PRELID2: variants seen among roughly 807,000 people sequenced by gnomAD.
PRELID2 encodes the protein PRELI domain containing 2.
PRELID2 carries 25 observed loss-of-function variants against 28.4 expected under a neutral mutation model. The ratio of observed to expected loss-of-function variants is 0.88; its 90% CI spans 0.64 to 1.23. The LOEUF (loss-of-function observed/expected upper bound fraction) is 1.23. PRELID2 is among the 50% of genes most tolerant of loss of function. The probability of loss-of-function intolerance (pLI) is 0.00; values close to 1 mark genes in which losing one functional copy is unlikely to be tolerated. For synonymous variants in PRELID2, 76 were observed against 71.6 expected, an observed-to-expected ratio of 1.06 and a Z score of -0.31; for missense variants, 201 against 214.4, an observed-to-expected ratio of 0.94 and a Z score of 0.39.
the PRELID2 span, among the ~76,000 whole-genome samples, chr5:145,439,384 G>T: frequency 6.6e-6 from 1 of 151,980 alleles, no homozygotes; most frequent in Non-Finnish European, 1.5e-5. Flanking sequence ...AAATCTAGTG[G>T]CCCTCAATTC....
chr5:145,369,903 G>A, the PRELID2 span, among the ~76,000 whole-genome samples: 20 of 150,934 alleles, frequency 1.3e-4, no homozygotes, highest in Admixed American at 2.6e-4. Context: ...ACGTTTGTTC[G>A]CTGCATGTCT....
chr5:145,433,302 G>A, the PRELID2 span, among the ~76,000 whole-genome samples: 6 of 152,088 alleles, frequency 3.9e-5, no homozygotes, highest in East Asian at 1.9e-4. Flanking sequence ...AGTATGTGAG[G>A]GTGAGGTGCG....
intron 1 of PRELID2, among the ~76,000 whole-genome samples, chr5:145,700,773 C>T (rs1269522486): frequency 2.0e-5 from 3 of 152,292 alleles, no homozygotes; most frequent in Admixed American, 2.0e-4. Flanking sequence ...CTGTAGCTCA[C>T]AAATACCAAT....
intron 1 of PRELID2, among the ~76,000 whole-genome samples, chr5:145,639,017 G>C (rs1302557477): frequency 1.3e-5 from 2 of 152,094 alleles, no homozygotes; most frequent in Admixed American, 6.5e-5. Flanking sequence ...TAGGTATTTT[G>C]GACCTAAGAG....
At chr5:145,386,308 G>C in the PRELID2 span, among the ~76,000 whole-genome samples, 45 of 151,962 alleles carry the variant, frequency 3.0e-4, no homozygotes, top group African/African-American at 1.0e-3. Flanking sequence ...CTTCCACCAG[G>C]TCCCTCCCAT....
chr5:145,636,759 T>C (rs1248444035), intron 1 of PRELID2, among the ~76,000 whole-genome samples: 3 of 152,222 alleles, frequency 2.0e-5, no homozygotes, highest in African/African-American at 7.2e-5. Context: ...GCCTGGGATT[T>C]CTTTTGGGGG....
chr5:145,489,935 G>A (rs1752251977), intron 1 of PRELID2, among the ~76,000 whole-genome samples: 1 of 152,024 alleles, frequency 6.6e-6, no homozygotes, highest in African/African-American at 2.4e-5. Context: ...TATTTCAATG[G>A]CATCAAAACT....
the PRELID2 span, among the ~76,000 whole-genome samples, chr5:145,290,418 C>A: frequency 9.9e-5 from 15 of 151,980 alleles, no homozygotes. Flanking sequence ...TACTATGCAG[C>A]CATAAAAAAG....
In PRELID2 at chr5:145,650,580, T is replaced by C. The variant is rs1383526752; in HGVS notation, n.70+114351A>G. On this transcript the variant is annotated intron_variant and non_coding_transcript_variant, in intron 1 of 2. Coordinates refer to the PRELID2 transcript ENST00000510259. Reference sequence around the variant, plus strand: ...TATATATATATATATATATATAGACTAAAATATTTTTTTTAATTTGGTTAA... The same window carrying C: ...TATATATATATATATATATATAGACCAAAATATTTTTTTTAATTTGGTTAA... Among the ~76,000 whole-genome samples, 6 of 113,660 alleles carry C rather than the reference T, an allele frequency of 5.3e-5. No homozygotes were observed. In the East Asian group the frequency reaches 1.5e-3, roughly 29 times the overall value. 74.6% of individuals were successfully genotyped at this position (113,660 alleles called of 152,430 possible).
chr5:145,667,733 T>A (rs1754622651), intron 1 of PRELID2, among the ~76,000 whole-genome samples: 1 of 152,080 alleles, frequency 6.6e-6, no homozygotes, highest in South Asian at 2.1e-4. Flanking sequence ...AACTCTCTAA[T>A]CCTAGGTCTA....
At chr5:145,255,056 C>T in the PRELID2 span, among the ~76,000 whole-genome samples, 1 of 152,228 alleles carries the variant, frequency 6.6e-6, no homozygotes, top group Admixed American at 6.5e-5. Context: ...TGCCACCCCT[C>T]ACACACTAAC....
chr5:145,490,129 A>G (rs1752256170), intron 1 of PRELID2, among the ~76,000 whole-genome samples: 1 of 152,226 alleles, frequency 6.6e-6, no homozygotes, highest in Non-Finnish European at 1.5e-5. Flanking sequence ...TAGAAGACAT[A>G]GAAATTTTGT....
At chr5:145,498,386 A>G (rs969301211) in intron 1 of PRELID2, among the ~76,000 whole-genome samples, 4 of 152,198 alleles carry the variant, frequency 2.6e-5, no homozygotes, top group African/African-American at 7.2e-5. Context: ...ACAGTCAAGC[A>G]TGGTGGCGTG....
chr5:145,752,779 T>G (rs1350767789), downstream of PRELID2, among the ~76,000 whole-genome samples: 1 of 152,206 alleles, frequency 6.6e-6, no homozygotes, highest in African/African-American at 2.4e-5. Flanking sequence ...CTGCTTTCTG[T>G]AAGCCTCCTG....
chr5:145,321,071 T>C, the PRELID2 span, among the ~76,000 whole-genome samples: 2 of 152,182 alleles, frequency 1.3e-5, no homozygotes, highest in Non-Finnish European at 1.5e-5. Flanking sequence ...AGTCCAAGAA[T>C]TGAAATGAAA....
chr5:145,364,343 A>T, the PRELID2 span, among the ~76,000 whole-genome samples: 1 of 151,990 alleles, frequency 6.6e-6, no homozygotes, highest in African/African-American at 2.4e-5. Flanking sequence ...ATTTCTAGAA[A>T]ATAGAAAATT....
At chr5:145,264,758 G>C in the PRELID2 span, among the ~76,000 whole-genome samples, 13 of 152,166 alleles carry the variant, frequency 8.5e-5, no homozygotes, top group East Asian at 1.4e-3. Flanking sequence ...TGGATCATCT[G>C]AGGTCAGGAG....
the PRELID2 span, among the ~76,000 whole-genome samples, chr5:145,292,295 A>T: frequency 6.6e-6 from 1 of 152,172 alleles, no homozygotes; most frequent in East Asian, 1.9e-4. Flanking sequence ...TTTTGCATTC[A>T]GACTAAACAA....
chr5:145,298,491 A>T, the PRELID2 span, among the ~76,000 whole-genome samples: 1 of 152,176 alleles, frequency 6.6e-6, no homozygotes, highest in Non-Finnish European at 1.5e-5. Flanking sequence ...AAAGACTTAA[A>T]CATTGTAGCA....
Sources: allele counts gnomAD v4.1 joint callset (sites outside exome capture counted in the v4.1 genomes callset), GRCh38; gene constraint gnomAD v4.1.1; transcripts MANE v1.5; gene names NCBI Gene and HGNC (gene_info 2026-07-23, HGNC 2026-07-21).